The following TP53BP1 variants were observed in gnomAD, a reference collection of about 807,000 sequenced individuals.
The protein encoded by TP53BP1 is tumor protein p53 binding protein 1.
TP53BP1 carries 61 observed loss-of-function variants against 200.8 expected under a neutral mutation model. The observed-to-expected ratio is 0.30, with a 90% CI of 0.25 to 0.38. The LOEUF (loss-of-function observed/expected upper bound fraction) is 0.38. TP53BP1 is among the 10% of genes least tolerant of loss of function. The probability of loss-of-function intolerance (pLI) is 1.00; values close to 1 mark genes in which losing one functional copy is unlikely to be tolerated. For missense variants in TP53BP1, 2,144 were observed against 2,371.9 expected, an observed-to-expected ratio of 0.90 and a Z score of 2.00; for synonymous variants, 822 against 844.3, an observed-to-expected ratio of 0.97 and a Z score of 0.46.
chr15:43,472,501 T>C (rs1460087953), intron 10 of TP53BP1, among the ~76,000 whole-genome samples: 3 of 152,204 alleles, frequency 2.0e-5, no homozygotes, highest in Admixed American at 6.5e-5. Context: ...AAGGAAAGCT[T>C]TCTTGTGAAT....
At chr15:43,459,884 A>G (rs1382359422) in intron 11 of TP53BP1, among the ~76,000 whole-genome samples, 1 of 152,114 alleles carries the variant, frequency 6.6e-6, no homozygotes, top group Non-Finnish European at 1.5e-5. Flanking sequence ...CCAGACTTGA[A>G]ACTACTGAAA....
At chr15:43,487,980 G>A (rs2079069521) in intron 4 of TP53BP1, among the ~76,000 whole-genome samples, 1 of 152,038 alleles carries the variant, frequency 6.6e-6, no homozygotes, top group South Asian at 2.1e-4. Context: ...CATGGATGGA[G>A]CCCCAGAAGT....
In TP53BP1 at chr15:43,408,092, T is replaced by C; in HGVS notation, c.5601-4A>G. On this transcript the variant is annotated splice_region_variant and splice_polypyrimidine_tract_variant and intron_variant, in intron 26 of 27. Coordinates refer to ENST00000382044, the MANE Select transcript of TP53BP1 (RefSeq NM_001141980.3). ...GAAAGGATTTTCACGGGGTTGCCTA[T>C]GAAGGAGACAGGAAAGGACCTTAGC... The C allele has an allele frequency of 6.2e-7, 1 of 1,613,664 alleles. No individual in the cohort carries two copies. The highest frequency in any genetic ancestry group is 2.2e-5 in the East Asian group (1 of 44,882).
At chr15:43,473,970 GGGTGGAA>G (rs1007581809) in intron 10 of TP53BP1, among the ~76,000 whole-genome samples, 5 of 152,248 alleles carry the variant, frequency 3.3e-5, no homozygotes, top group Admixed American at 3.3e-4. Context: ...CCCACGGAGG[GGGTGGAA>G]GGCTCAGGCA....
chr15:43,409,198 A>G (rs1330165843), intron 25 of TP53BP1, 102 bp from the exon 26 acceptor site: 80 of 1,026,104 alleles, frequency 7.8e-5, no homozygotes, highest in Non-Finnish European at 1.1e-4. Flanking sequence ...AAGACTCCCA[A>G]CTACTACCCA....
chr15:43,489,978 T>C (rs2079098529), intron 4 of TP53BP1, among the ~76,000 whole-genome samples: 1 of 152,098 alleles, frequency 6.6e-6, no homozygotes, highest in Admixed American at 6.5e-5. Context: ...AGCGGCACAA[T>C]CACGGCTGAC....
chr15:43,416,350 C>A lies in TP53BP1; in HGVS notation c.4748G>T (p.Arg1583Ile). 2 of 1,614,196 alleles carry A rather than the reference C, an allele frequency of 1.2e-6. No homozygotes were observed. Among genetic ancestry groups the A allele is most frequent in the Non-Finnish European group, 1.7e-6 (2 of 1,180,032 alleles). The change falls in exon 22 of 28, where the codon AGA becomes ATA. Residue 1583 changes from arginine (R) to isoleucine (I), a missense_variant. By Grantham distance (97) the Arg-to-Ile change is moderately conservative. Around this residue, in one of 4 missense-constraint regions of TP53BP1, gnomAD observed 61 missense variants for 147.5 expected, o/e 0.41. Transcript: ENST00000382044. Reference protein sequence around the residue: ...LYYSIEKEGQRKWYKRMAVIL... With the variant: ...LYYSIEKEGQIKWYKRMAVIL... ...GACAGCCATTCGCTTATACCACTTT[C>A]TTTGGCCTTCTTTTTCAATGCTGTA...
chr15:43,433,804 G>A (rs1338283591), intron 16 of TP53BP1, among the ~76,000 whole-genome samples: 1 of 152,074 alleles, frequency 6.6e-6, no homozygotes, highest in Non-Finnish European at 1.5e-5. Flanking sequence ...GACGATAAGG[G>A]GCCTAGAAAC....
At chr15:43,482,430 C>T (rs2078985954) in intron 4 of TP53BP1, among the ~76,000 whole-genome samples, 1 of 151,972 alleles carries the variant, frequency 6.6e-6, no homozygotes, top group Non-Finnish European at 1.5e-5. Context: ...AAGGTTAGTT[C>T]AAAACCAGCA....
intron 14 of TP53BP1, among the ~76,000 whole-genome samples, chr15:43,444,637 A>C (rs2046001006): frequency 6.6e-6 from 1 of 152,196 alleles, no homozygotes; most frequent in African/African-American, 2.4e-5. Flanking sequence ...AAAGGAGGAT[A>C]ATAATAGGAT....
intron 2 of TP53BP1, 31 bp downstream of exon 2, chr15:43,492,253 C>G: frequency 1.3e-6 from 2 of 1,587,912 alleles, no homozygotes; most frequent in Non-Finnish European, 8.6e-7. Context: ...AAAAAATCTG[C>G]TCAATCTTCT....
At chr15:43,484,441 G>T (rs1336660108) in intron 4 of TP53BP1, among the ~76,000 whole-genome samples, 1 of 152,126 alleles carries the variant, frequency 6.6e-6, no homozygotes, top group Non-Finnish European at 1.5e-5. Context: ...TCTTAATCAA[G>T]CAGCCAGAGT....
intron 4 of TP53BP1, among the ~76,000 whole-genome samples, chr15:43,485,945 T>C (rs970739148): frequency 4.0e-5 from 6 of 151,788 alleles, no homozygotes; most frequent in Non-Finnish European, 7.4e-5. Flanking sequence ...AACAGTACTT[T>C]AGTTAAACTT....
chr15:43,405,093 C>CAGA lies in TP53BP1; in HGVS notation c.*2289_*2290insTCT. On this transcript the variant is annotated 3_prime_UTR_variant, in exon 28 of 28. Transcript: ENST00000382044. The stretch of plus-strand genomic sequence containing the variant: ...AGCAGAAGAGTCAAAAGAAACTCTT[C>CAGA]AGTTTTAAGATGACATTATTTAGAT... 1 of 1,291,434 alleles carries CAGA rather than the reference C, an allele frequency of 7.7e-7. No individual in the cohort carries two copies. The highest frequency in any genetic ancestry group is 1.1e-6 in the Non-Finnish European group (1 of 910,276). The allele number at this position is 1,291,434 out of a possible 1,614,324, so 80.0% of individuals were successfully genotyped here.
intron 4 of TP53BP1, 27 bp downstream of exon 4, chr15:43,491,642 A>C: frequency 6.5e-7 from 1 of 1,531,992 alleles, no homozygotes; most frequent in African/African-American, 1.4e-5. Flanking sequence ...TAATACATTT[A>C]AATAAACCCC....
chr15:43,414,964 T>G (rs538638550), intron 23 of TP53BP1, among the ~76,000 whole-genome samples: 1 of 152,052 alleles, frequency 6.6e-6, no homozygotes, highest in South Asian at 2.1e-4. Context: ...AACCTCGGCC[T>G]CCCAAAGTGC....
chr15:43,426,439 C>CAAAAAAA (rs538087512), intron 18 of TP53BP1, among the ~76,000 whole-genome samples: 1 of 56,786 alleles, frequency 1.8e-5, no homozygotes, highest in Non-Finnish European at 3.7e-5. Context: ...GACTCTGTGT[C>CAAAAAAA]AAAAAAAAAA....
At chr15:43,418,540 T>C (rs928166586) in intron 21 of TP53BP1, among the ~76,000 whole-genome samples, 1 of 151,786 alleles carries the variant, frequency 6.6e-6, no homozygotes, top group African/African-American at 2.4e-5. Context: ...AAAGCCATTT[T>C]CCCCCATTAT....
At position 43,481,346 on chromosome 15, in the gene TP53BP1, C is replaced by T. The variant is rs553498593; in HGVS notation, c.372-324G>A. Among the ~76,000 whole-genome samples, 42 of 151,634 alleles carry T rather than the reference C, an allele frequency of 2.8e-4. No individual in the cohort carries two copies. The South Asian group carries it at 8.3e-3, about 30-fold the overall frequency. ...GCATTGGATGAGCACAGAAAGGGCT[C>T]AAAAAACTTTTTAAAAGTTCACAGA... On this transcript the variant is annotated intron_variant, in intron 4 of 27. Coordinates refer to ENST00000382044, the MANE Select transcript of TP53BP1 (RefSeq NM_001141980.3).
Sources: allele counts gnomAD v4.1 joint callset (sites outside exome capture counted in the v4.1 genomes callset), GRCh38; gene constraint gnomAD v4.1.1; regional missense constraint gnomAD v4.1.1; transcripts MANE v1.5; gene names NCBI Gene and HGNC (gene_info 2026-07-23, HGNC 2026-07-21).